MTCL1: variants seen among roughly 807,000 people sequenced by gnomAD.
The protein encoded by MTCL1 is microtubule cross-linking factor 1.
In MTCL1, 79 loss-of-function variants were observed where a neutral mutation model predicts 141.4. The observed-to-expected ratio is 0.56, with a 90% CI of 0.47 to 0.67. The LOEUF (loss-of-function observed/expected upper bound fraction) is 0.67, where lower values mean the gene tolerates loss of function less well. Ranked by LOEUF, MTCL1 falls within the 30% of genes least tolerant of loss-of-function variation. The probability of loss-of-function intolerance (pLI) is 0.00; values close to 1 mark genes in which losing one functional copy is unlikely to be tolerated. For synonymous variants in MTCL1, 914 were observed against 875.8 expected (o/e 1.04, Z -0.77); for missense variants, 2,177 against 2,113.9 (o/e 1.03, Z -0.59).
intron 5 of MTCL1, among the ~76,000 whole-genome samples, chr18:8,778,197 T>C (rs530834167): frequency 6.6e-6 from 1 of 152,324 alleles, no homozygotes; most frequent in African/African-American, 2.4e-5. Flanking sequence ...TGGTAAAAAG[T>C]GTTTTGACCT....
Position 8,709,674 on chromosome 18 carries a change from G to C in MTCL1, c.1053+2961G>C, listed in dbSNP as rs971073673. On this transcript the variant is annotated intron_variant, in intron 1 of 13. Transcript: ENST00000306329. ...TTCTGGAGCATTCCAAGTAAGTGCT[G>C]TCATCATTGTTGTACAAGACTGTGA... Among the ~76,000 whole-genome samples the C allele has an allele frequency of 3.9e-5, 6 of 152,268 alleles. No individual in the cohort carries two copies. The Middle Eastern group carries it at 0.017, about 432-fold the overall frequency.
At chr18:8,728,611 G>A (rs2096231134) in intron 4 of MTCL1, among the ~76,000 whole-genome samples, 4 of 151,456 alleles carry the variant, frequency 2.6e-5, no homozygotes, top group South Asian at 4.2e-4. Flanking sequence ...TTCTCACTCC[G>A]AATAGTGTTC....
intron 4 of MTCL1, among the ~76,000 whole-genome samples, chr18:8,721,123 G>A (rs931614001): frequency 6.6e-6 from 1 of 152,292 alleles, no homozygotes; most frequent in Middle Eastern, 3.4e-3. Flanking sequence ...TGCAAATCCT[G>A]TTTTGTTATT....
At chr18:8,781,812 C>T (rs767927192) in intron 5 of MTCL1, among the ~76,000 whole-genome samples, 4 of 152,166 alleles carry the variant, frequency 2.6e-5, no homozygotes, top group Admixed American at 1.3e-4. Context: ...GCTAGGACTC[C>T]GGGCAGCATG....
intron 4 of MTCL1, among the ~76,000 whole-genome samples, chr18:8,749,419 C>T (rs1012133106): frequency 1.8e-4 from 27 of 152,138 alleles, no homozygotes; most frequent in African/African-American, 6.5e-4. Flanking sequence ...GATCTAGGGT[C>T]CTGGCTCAGG....
At chr18:8,706,242 C>G in exon 1 of MTCL1, 2 of 1,228,280 alleles carry the variant, frequency 1.6e-6, no homozygotes, top group Non-Finnish European at 1.0e-6. Context: ...CCTCGGTGGC[C>G]GGGTCCCCGG....
chr18:8,750,222 T>C (rs887291609), intron 4 of MTCL1, among the ~76,000 whole-genome samples: 1 of 152,012 alleles, frequency 6.6e-6, no homozygotes, highest in African/African-American at 2.4e-5. Context: ...ATTTTTGTAT[T>C]TTTAGTAGAG....
At chr18:8,734,540 T>C (rs1352426262) in intron 4 of MTCL1, among the ~76,000 whole-genome samples, 1 of 152,094 alleles carries the variant, frequency 6.6e-6, no homozygotes, top group Non-Finnish European at 1.5e-5. Flanking sequence ...GTGATACCCA[T>C]GTTCACCTTT....
intron 1 of MTCL1, chr18:8,717,529 G>C (rs2096136855): frequency 6.6e-6 from 1 of 152,490 alleles, no homozygotes; most frequent in African/African-American, 2.4e-5. Context: ...TAGGGAGTGA[G>C]GTGGTCTGAT....
chr18:8,727,550 T>G (rs1280636360), intron 4 of MTCL1, among the ~76,000 whole-genome samples: 1 of 152,206 alleles, frequency 6.6e-6, no homozygotes, highest in Non-Finnish European at 1.5e-5. Flanking sequence ...ATTAGTGATG[T>G]GGAGCATTTC....
intron 9 of MTCL1, 105 bp from the exon 9 acceptor site, chr18:8,797,992 G>T: frequency 8.6e-7 from 1 of 1,164,392 alleles, no homozygotes; most frequent in Non-Finnish European, 1.2e-6. Flanking sequence ...AAGTATAGGC[G>T]TTGATAATCC....
At position 8,815,654 on chromosome 18, in the gene MTCL1, A is replaced by G. The variant is rs114572568; in HGVS notation, c.2859+2421A>G. On this transcript the variant is annotated intron_variant, in intron 12 of 16. Coordinates refer to ENST00000359865, the Ensembl canonical transcript of MTCL1. ...AAAAAAAACATTAACATTAAAAAAA[A>G]AAAAAGAAAAGTCAGTGACTTAAAG... Among the ~76,000 whole-genome samples, 651 of 152,092 alleles carry G rather than the reference A, an allele frequency of 4.3e-3. 6 individuals carry two copies. The highest frequency in any genetic ancestry group is 0.015 in the African/African-American group (638 of 41,514).
Position 8,747,170 on chromosome 18 carries a change from T to A in MTCL1, c.357+26674T>A, listed in dbSNP as rs192608872. Among the ~76,000 whole-genome samples, 5 of 152,352 alleles carry A rather than the reference T, an allele frequency of 3.3e-5. No homozygotes were observed. In the East Asian group the frequency reaches 9.7e-4, roughly 29 times the overall value. On this transcript the variant is annotated intron_variant, in intron 4 of 16. Transcript: ENST00000359865. ...GGACACCACTGGTCCACACAGGTAC[T>A]GACTCTGTCTTTTCTAGTACGGCTG...
intron 5 of MTCL1, among the ~76,000 whole-genome samples, chr18:8,781,927 C>G (rs1039522237): frequency 6.6e-6 from 1 of 152,236 alleles, no homozygotes; most frequent in African/African-American, 2.4e-5. Context: ...CAAGCTTTCC[C>G]TGTGGCAGTG....
At chr18:8,712,473 C>T (rs116217903), upstream of MTCL1, among the ~76,000 whole-genome samples, 217 of 152,322 alleles carry the variant, frequency 1.4e-3, 1 homozygote, top group African/African-American at 5.1e-3. Context: ...TGGAGAGGAG[C>T]GCAAGCAGTG....
At chr18:8,773,573 C>G (rs1482479066) in intron 4 of MTCL1, among the ~76,000 whole-genome samples, 1 of 152,146 alleles carries the variant, frequency 6.6e-6, no homozygotes, top group Admixed American at 6.5e-5. Context: ...TCTTACCAAT[C>G]TATCAATCTT....
At chr18:8,813,611 C>T (rs1384516564) in intron 12 of MTCL1, among the ~76,000 whole-genome samples, 1 of 152,184 alleles carries the variant, frequency 6.6e-6, no homozygotes, top group African/African-American at 2.4e-5. Flanking sequence ...AAGTTTGCCA[C>T]TAAAGATGTG....
At chr18:8,739,589 G>A (rs1032554894) in intron 4 of MTCL1, among the ~76,000 whole-genome samples, 1 of 152,194 alleles carries the variant, frequency 6.6e-6, no homozygotes, top group Admixed American at 6.5e-5. Context: ...AAACTGGCAA[G>A]TTCAGGGAGA....
intron 4 of MTCL1, among the ~76,000 whole-genome samples, chr18:8,741,718 A>AT (rs1166118997): frequency 6.6e-6 from 1 of 152,196 alleles, no homozygotes; most frequent in Non-Finnish European, 1.5e-5. Flanking sequence ...GTAAATGATG[A>AT]TGTGCTTGCT....
Sources: allele counts gnomAD v4.1 joint callset (sites outside exome capture counted in the v4.1 genomes callset), GRCh38; gene constraint gnomAD v4.1.1; transcripts MANE v1.5; gene names NCBI Gene and HGNC (gene_info 2026-07-23, HGNC 2026-07-21).